Variants in SMIM21 observed in about 807,000 individuals in gnomAD.
The protein encoded by SMIM21 is small integral membrane protein 21, also known as chromosome 18 open reading frame 62.
In SMIM21, 8 loss-of-function variants were observed where a neutral mutation model predicts 8.6. The observed-to-expected ratio is 0.93, with a 90% CI of 0.55 to 1.68. The LOEUF (loss-of-function observed/expected upper bound fraction) is 1.68, where lower values mean the gene tolerates loss of function less well. SMIM21 is among the 40% of genes most tolerant of loss of function. SMIM21 has a pLI of 0.00. For missense variants in SMIM21, 132 were observed against 123.0 expected (o/e 1.07, Z -0.35); for synonymous variants, 43 against 41.7 (o/e 1.03, Z -0.12).
At chr18:75,421,820 G>A (rs1353652016) in intron 1 of SMIM21, among the ~76,000 whole-genome samples, 3 of 152,120 alleles carry the variant, frequency 2.0e-5, no homozygotes, top group African/African-American at 7.2e-5. Context: ...GAAGGCAACT[G>A]GGTTTTCTTA....
intron 2 of SMIM21, chr18:75,416,793 G>A (rs1568152249): frequency 2.0e-5 from 1 of 49,434 alleles, no homozygotes; most frequent in Admixed American, 2.5e-4. Flanking sequence ...ACTTAACTTG[G>A]TGTCTGGTGT....
chr18:75,414,062 C>G (rs1306635502), intron 2 of SMIM21, among the ~76,000 whole-genome samples: 1 of 149,532 alleles, frequency 6.7e-6, no homozygotes, highest in Admixed American at 6.7e-5. Flanking sequence ...CTAGGAGTCT[C>G]TCTCTCTCTG....
At chr18:75,410,998 C>A in intron 2 of SMIM21, 89 bp from the exon 3 acceptor site, 1 of 1,515,948 alleles carries the variant, frequency 6.6e-7, no homozygotes, top group East Asian at 2.5e-5. Context: ...TTGTTTTTAT[C>A]TAATGAACAC....
At chr18:75,412,443 A>G (rs1283277787) in intron 2 of SMIM21, 1 of 152,220 alleles carries the variant, frequency 6.6e-6, no homozygotes, top group Non-Finnish European at 1.5e-5. Context: ...TCCACCAAGT[A>G]CTAAGAATAT....
Position 75,410,359 on chromosome 18 carries a change from A to G in SMIM21, c.*505T>C, listed in dbSNP as rs1460439053. On this transcript the variant is annotated 3_prime_UTR_variant, in exon 3 of 3. Coordinates refer to ENST00000579022, the MANE Select transcript of SMIM21 (RefSeq NM_001037331.3). ...TCTCCTCTAATATGTTACCCAAACC[A>G]TCAGCTTCTCAGTTTGGTGTCAGGA... The G allele has an allele frequency of 6.5e-6, 1 of 153,978 alleles. No homozygotes were observed. The highest frequency in any genetic ancestry group is 1.4e-5 in the Non-Finnish European group (1 of 68,992). The allele number at this position is 153,978 out of a possible 1,614,324, so 9.5% of individuals were successfully genotyped here.
At chr18:75,426,854 G>T (rs982118735) in intron 1 of SMIM21, among the ~76,000 whole-genome samples, 3 of 152,044 alleles carry the variant, frequency 2.0e-5, no homozygotes, top group African/African-American at 7.2e-5. Flanking sequence ...ATATATGACT[G>T]GGTCATAAAC....
chr18:75,426,543 T>C lies in SMIM21; in HGVS notation c.129+892A>G, dbSNP rs1461362040. ...CCAGGATAGTATCAATCTCCTGACC[T>C]TGTGATCTCCTCGCCTCGGCCTCCC... is the stretch of plus-strand genomic sequence containing the variant. On this transcript the variant is annotated intron_variant, in intron 1 of 2. Coordinates refer to ENST00000579022, the MANE Select transcript of SMIM21 (RefSeq NM_001037331.3). 2.0e-5 allele frequency among the ~76,000 whole-genome samples: 3 copies of C among 147,746 alleles called. No individual in the cohort carries two copies. The East Asian group carries it at 6.1e-4, about 30-fold the overall frequency.
rs777672228 is a variant in SMIM21 at position 75,427,438 on chromosome 18, G to A, written c.126C>T (p.Thr42=). The A allele has an allele frequency of 5.6e-6, 9 of 1,613,648 alleles. No individual in the cohort carries two copies. The highest frequency in any genetic ancestry group is 1.1e-5 in the South Asian group (1 of 90,956). The change falls in exon 1 of 3, where the codon ACC becomes ACT. Residue 42 remains threonine (T), a synonymous_variant. Transcript: ENST00000579022. Reference sequence around the variant, plus strand: ...AGTTAAAGACCCATAAACTCACTGTGGTAAGTGCTTTCTTCTGCAGCAAAT... The same window carrying A: ...AGTTAAAGACCCATAAACTCACTGTAGTAAGTGCTTTCTTCTGCAGCAAAT... The part of the protein sequence containing the change: ...KGNLLQKKAL[T]TFENEHHIRF...
Position 75,410,194 on chromosome 18 carries a change from C to G in SMIM21, c.*670G>C, listed in dbSNP as rs993696549. 1 of 152,650 alleles carries G rather than the reference C, an allele frequency of 6.6e-6. No homozygotes were observed. Among genetic ancestry groups the G allele is most frequent in the African/African-American group, 2.4e-5 (1 of 41,452 alleles). 9.5% of individuals were successfully genotyped at this position (152,650 alleles called of 1,614,324 possible). Reference sequence around the variant, plus strand: ...GCCCGTCTTCAGACAGTGCTCCATCCTAAATCATTTGATAATGTAAGAGGC... The same window carrying G: ...GCCCGTCTTCAGACAGTGCTCCATCGTAAATCATTTGATAATGTAAGAGGC... On this transcript the variant is annotated 3_prime_UTR_variant, in exon 3 of 3. Transcript: ENST00000579022.
rs2024570751 is a variant in SMIM21 at position 75,410,417 on chromosome 18, A to G, written c.*447T>C. The G allele has an allele frequency of 6.2e-6, 1 of 161,534 alleles. No homozygotes were observed. The highest frequency in any genetic ancestry group is 1.4e-5 in the Non-Finnish European group (1 of 73,726). 10.0% of individuals were successfully genotyped at this position (161,534 alleles called of 1,614,324 possible). A position where few individuals can be genotyped will look rare whatever the true frequency, so the allele number is the denominator to read the frequency against. On this transcript the variant is annotated 3_prime_UTR_variant, in exon 3 of 3. Coordinates refer to ENST00000579022, the MANE Select transcript of SMIM21 (RefSeq NM_001037331.3). Reference sequence around the variant, plus strand: ...GACAGGTTGTTAGCAACTATATGATATACAGAACATCACAGAAATATCTCA... The same window carrying G: ...GACAGGTTGTTAGCAACTATATGATGTACAGAACATCACAGAAATATCTCA...
intron 2 of SMIM21, chr18:75,416,070 G>A (rs1042635931): frequency 6.6e-6 from 1 of 152,156 alleles, no homozygotes; most frequent in African/African-American, 2.4e-5. Context: ...AAGTGAAATG[G>A]CATGGCCAAA....
At chr18:75,422,025 A>G (rs75824839) in intron 1 of SMIM21, among the ~76,000 whole-genome samples, 2,189 of 152,284 alleles carry the variant, frequency 0.014, 40 homozygotes, top group African/African-American at 0.048. Flanking sequence ...ACAAAGAGAC[A>G]ACATAGCCTT....
intron 2 of SMIM21, among the ~76,000 whole-genome samples, chr18:75,415,186 C>T (rs1183147110): frequency 1.3e-5 from 2 of 152,166 alleles, no homozygotes; most frequent in African/African-American, 4.8e-5. Flanking sequence ...GGCATACTTT[C>T]CCAGGTAAGT....
rs565472890 is a variant in SMIM21, at chr18:75,427,293, G to A, written c.129+142C>T. 2.7e-4 allele frequency: 271 copies of A among 987,088 alleles called. No homozygotes were observed. In the African/African-American group the frequency reaches 3.9e-3, roughly 14 times the overall value. The allele number at this position is 987,088 out of a possible 1,614,324, so 61.1% of individuals were successfully genotyped here. On this transcript the variant is annotated intron_variant, in intron 1 of 2. Coordinates refer to ENST00000579022, the MANE Select transcript of SMIM21 (RefSeq NM_001037331.3). The stretch of plus-strand genomic sequence containing the variant: ...GAGAAAGAAAGAGCTCTGGATTGAC[G>A]TCTCATCTTAAACTTCGTAGAATCT...
Position 75,409,706 on chromosome 18 carries a change from T to C in SMIM21, c.*1158A>G, listed in dbSNP as rs2024562076. 6.6e-6 allele frequency: 1 copy of C among 152,164 alleles called. No individual in the cohort carries two copies. Among genetic ancestry groups the C allele is most frequent in the African/African-American group, 2.4e-5 (1 of 41,414 alleles). The allele number at this position is 152,164 out of a possible 1,614,324, so 9.4% of individuals were successfully genotyped here. A position where few individuals can be genotyped will look rare whatever the true frequency, so the allele number is the denominator to read the frequency against. On this transcript the variant is annotated 3_prime_UTR_variant, in exon 3 of 3. Transcript: ENST00000579022. ...ATGTGTGTAAGAATAGTCTCCATTA[T>C]AGTATTTTTCTCTGCGACACACAGA...
intron 2 of SMIM21, among the ~76,000 whole-genome samples, chr18:75,411,482 CTG>C (rs2024584482): frequency 6.6e-6 from 1 of 152,224 alleles, no homozygotes; most frequent in South Asian, 2.1e-4. Context: ...GAAGATGAGA[CTG>C]TGAGATGTGT....
At chr18:75,412,919 T>G (rs2144544433) in intron 2 of SMIM21, among the ~76,000 whole-genome samples, 1 of 152,330 alleles carries the variant, frequency 6.6e-6, no homozygotes, top group South Asian at 2.1e-4. Flanking sequence ...TGCCTGTATT[T>G]TCATTCAAAT....
In SMIM21 at chr18:75,409,533, C is replaced by A. The variant is rs777709543; in HGVS notation, c.*1331G>T. On this transcript the variant is annotated 3_prime_UTR_variant, in exon 3 of 3. Coordinates refer to ENST00000579022, the MANE Select transcript of SMIM21 (RefSeq NM_001037331.3). Reference sequence around the variant, plus strand: ...CAGGTCCCCTTCCATAAGCTGGTTTCTTTGTGAACACCATCCATTCATTGT... The same window carrying A: ...CAGGTCCCCTTCCATAAGCTGGTTTATTTGTGAACACCATCCATTCATTGT... 3.3e-5 allele frequency: 5 copies of A among 152,240 alleles called. No individual in the cohort carries two copies. The highest frequency in any genetic ancestry group is 7.3e-5 in the Non-Finnish European group (5 of 68,048). 9.4% of individuals were successfully genotyped at this position (152,240 alleles called of 1,614,324 possible). A position where few individuals can be genotyped will look rare whatever the true frequency, so the allele number is the denominator to read the frequency against.
At chr18:75,418,673 G>A (rs1174454748) in intron 2 of SMIM21, 113 bp downstream of exon 2, 3 of 1,099,220 alleles carry the variant, frequency 2.7e-6, no homozygotes, top group Non-Finnish European at 3.9e-6. Flanking sequence ...GGTGGCTACA[G>A]ATTGATTGCT....
Sources: gnomAD v4.1 joint callset for allele counts (sites outside exome capture counted in the v4.1 genomes callset) on GRCh38, gnomAD v4.1.1 for gene constraint, MANE v1.5 for transcripts, NCBI Gene and HGNC (gene_info 2026-07-23, HGNC 2026-07-21) for gene names.